BTBD10: variants seen among roughly 807,000 people sequenced by gnomAD.
The protein encoded by BTBD10 is BTB/POZ domain-containing protein 10.
Under a neutral mutation model 53.2 loss-of-function variants are expected in BTBD10, and 21 were observed. The observed-to-expected ratio is 0.39, with a 90% CI of 0.28 to 0.57. The LOEUF is 0.57. BTBD10 is among the 20% of genes least tolerant of loss of function. The probability of loss-of-function intolerance (pLI) is 0.53; values close to 1 mark genes in which losing one functional copy is unlikely to be tolerated. For missense variants in BTBD10, 360 were observed against 594.7 expected (o/e 0.61, Z 4.10); for synonymous variants, 149 against 192.7 (o/e 0.77, Z 1.88).
At chr11:13,414,927 T>C (rs1950062280) in intron 5 of BTBD10, among the ~76,000 whole-genome samples, 1 of 151,248 alleles carries the variant, frequency 6.6e-6, no homozygotes, top group Admixed American at 6.6e-5. Flanking sequence ...ACACAATTTC[T>C]AAGGTTGCTG....
Position 13,411,051 on chromosome 11 carries a change from A to G in BTBD10, c.808+2479T>C, listed in dbSNP as rs565130529. 5.9e-5 allele frequency among the ~76,000 whole-genome samples: 9 copies of G among 152,316 alleles called. No individual in the cohort carries two copies. In the South Asian group the frequency reaches 1.9e-3, roughly 32 times the overall value. The stretch of plus-strand genomic sequence containing the variant: ...TGTTTGAGACTGAGGTTTACTACAT[A>G]GAGAAAGGGAAAGACTGATGATACC... On this transcript the variant is annotated intron_variant, in intron 6 of 8. Coordinates refer to ENST00000278174, the MANE Select transcript of BTBD10 (RefSeq NM_032320.7).
At chr11:13,403,021 A>AT in intron 8 of BTBD10, 147 bp downstream of exon 8, 1 of 500,810 alleles carries the variant, frequency 2.0e-6, no homozygotes, top group Non-Finnish European at 3.5e-6. Flanking sequence ...GATTTTTGTT[A>AT]TTTATAGGTC....
At chr11:13,461,467 G>A (rs1028742493) in intron 1 of BTBD10, among the ~76,000 whole-genome samples, 28 of 152,132 alleles carry the variant, frequency 1.8e-4, no homozygotes, top group Non-Finnish European at 1.2e-4. Flanking sequence ...GAAGGCATGT[G>A]AGTTTGTTGC....
chr11:13,429,315 G>A (rs934362645), intron 2 of BTBD10, among the ~76,000 whole-genome samples: 11 of 151,868 alleles, frequency 7.2e-5, no homozygotes, highest in Admixed American at 3.9e-4. Context: ...ATATGAATAC[G>A]CAAATGACCT....
intron 8 of BTBD10, among the ~76,000 whole-genome samples, chr11:13,389,676 G>A (rs1023310237): frequency 6.6e-6 from 1 of 151,942 alleles, no homozygotes; most frequent in African/African-American, 2.4e-5. Context: ...GATCTGCCTC[G>A]GCCTCCCAAA....
chr11:13,413,434 T>C (rs1467164496), intron 6 of BTBD10, 96 bp downstream of exon 6: 6 of 1,085,032 alleles, frequency 5.5e-6, no homozygotes, highest in Non-Finnish European at 7.5e-6. Context: ...AATTAAATAC[T>C]TTAAGTCTAA....
intron 2 of BTBD10, among the ~76,000 whole-genome samples, chr11:13,434,089 C>T (rs564952316): frequency 6.6e-6 from 1 of 152,178 alleles, no homozygotes; most frequent in African/African-American, 2.4e-5. Flanking sequence ...ATACTTAAAT[C>T]CCAGATTACC....
chr11:13,422,083 TTAAC>T (rs1393479238), intron 2 of BTBD10, among the ~76,000 whole-genome samples: 2 of 152,224 alleles, frequency 1.3e-5, no homozygotes, highest in Non-Finnish European at 2.9e-5. Context: ...CTTAGAAAGG[TTAAC>T]TAACATATGA....
intron 1 of BTBD10, chr11:13,459,754 A>C (rs993956527): frequency 6.6e-6 from 1 of 152,218 alleles, no homozygotes; most frequent in African/African-American, 2.4e-5. Context: ...ACAAATGAAT[A>C]GACAATGTAT....
At chr11:13,439,070 T>C (rs1591157705) in intron 2 of BTBD10, among the ~76,000 whole-genome samples, 1 of 152,058 alleles carries the variant, frequency 6.6e-6, no homozygotes. Flanking sequence ...GGAAAGAATG[T>C]TATAAACCAT....
intron 1 of BTBD10, among the ~76,000 whole-genome samples, chr11:13,446,525 T>C (rs762088766): frequency 6.6e-6 from 1 of 152,048 alleles, no homozygotes; most frequent in Non-Finnish European, 1.5e-5. Flanking sequence ...AATAAATACA[T>C]AAATAAGTAG....
chr11:13,395,281 C>G (rs1245379211), intron 8 of BTBD10, among the ~76,000 whole-genome samples: 2 of 152,044 alleles, frequency 1.3e-5, no homozygotes, highest in Non-Finnish European at 2.9e-5. Context: ...ATTTGCATTT[C>G]TCTGATGGCC....
At chr11:13,426,526 T>G (rs1007975994) in intron 2 of BTBD10, among the ~76,000 whole-genome samples, 1 of 152,108 alleles carries the variant, frequency 6.6e-6, no homozygotes, top group East Asian at 1.9e-4. Context: ...GATAATAATA[T>G]AATATGGGGT....
chr11:13,413,789 G>T, intron 5 of BTBD10, 139 bp from the exon 6 acceptor site: 1 of 763,138 alleles, frequency 1.3e-6, no homozygotes, highest in Non-Finnish European at 1.9e-6. Context: ...TTTAAACTTA[G>T]ATGAGACCTC....
intron 5 of BTBD10, among the ~76,000 whole-genome samples, 178 bp downstream of exon 5, chr11:13,416,979 AC>A (rs762561088): frequency 1.3e-5 from 2 of 152,172 alleles, no homozygotes; most frequent in Non-Finnish European, 2.9e-5. Flanking sequence ...AAAGAGCAAG[AC>A]CCTGTTGCAA....
intron 8 of BTBD10, among the ~76,000 whole-genome samples, chr11:13,397,308 G>A (rs1451584644): frequency 6.6e-6 from 1 of 152,152 alleles, no homozygotes; most frequent in Non-Finnish European, 1.5e-5. Context: ...ATTTCTTTTA[G>A]ATTTTCTAGT....
chr11:13,420,229 A>G (rs1203010358), intron 3 of BTBD10, among the ~76,000 whole-genome samples: 1 of 152,156 alleles, frequency 6.6e-6, no homozygotes, highest in Non-Finnish European at 1.5e-5. Context: ...TAATAAGGGC[A>G]TTCTAAAACC....
At chr11:13,406,465 C>G (rs1260414352) in intron 6 of BTBD10, among the ~76,000 whole-genome samples, 1 of 152,116 alleles carries the variant, frequency 6.6e-6, no homozygotes, top group Non-Finnish European at 1.5e-5. Flanking sequence ...TGTCCTATCT[C>G]CCTACTGAAG....
intron 8 of BTBD10, among the ~76,000 whole-genome samples, chr11:13,395,113 G>A (rs1051476875): frequency 6.8e-6 from 1 of 146,174 alleles, no homozygotes; most frequent in Non-Finnish European, 1.5e-5. Context: ...ATGAGGAATC[G>A]CCACACCAAC....
Sources: gnomAD v4.1 joint callset for allele counts (sites outside exome capture counted in the v4.1 genomes callset) on GRCh38, gnomAD v4.1.1 for gene constraint, MANE v1.5 for transcripts, NCBI Gene and HGNC (gene_info 2026-07-23, HGNC 2026-07-21) for gene names.